Variants in MYH7B observed in about 807,000 individuals in gnomAD.
MYH7B encodes the protein myosin-7B.
A neutral mutation model predicts 234.5 loss-of-function variants in MYH7B; 205 were observed. The ratio of observed to expected loss-of-function variants is 0.87; its 90% CI spans 0.78 to 0.98. MYH7B has a LOEUF of 0.98. Among genes scored for constraint, MYH7B ranks in the 50% least tolerant of loss-of-function variants. MYH7B has a pLI of 0.00. For missense variants in MYH7B, 2,652 were observed against 2,633.4 expected, an observed-to-expected ratio of 1.01 and a Z score of -0.15; for synonymous variants, 1,193 against 1,105.0, an observed-to-expected ratio of 1.08 and a Z score of -1.58.
At chr20:34,957,785 C>G (rs562858717) in intron 1 of MYH7B, among the ~76,000 whole-genome samples, 1 of 152,188 alleles carries the variant, frequency 6.6e-6, no homozygotes, top group African/African-American at 2.4e-5. Flanking sequence ...CCACTGCGCC[C>G]GGCCCCTTTT....
intron 3 of MYH7B, 45 bp from the exon 4 acceptor site, chr20:34,977,587 C>T (rs2081874036): frequency 2.6e-6 from 4 of 1,554,186 alleles, no homozygotes; most frequent in East Asian, 4.7e-5. Context: ...GGGGCTGTGA[C>T]ACGTGGAGAT....
chr20:34,996,641 A>T, exon 30 of MYH7B: 2 of 1,612,842 alleles, frequency 1.2e-6, no homozygotes, highest in Non-Finnish European at 1.7e-6. Flanking sequence ...CAGGAGAAGA[A>T]GCTGCGCATG....
At chr20:34,997,891 A>G (rs1201470303) in intron 32 of MYH7B, among the ~76,000 whole-genome samples, 1 of 152,096 alleles carries the variant, frequency 6.6e-6, no homozygotes, top group Non-Finnish European at 1.5e-5. Context: ...CCCTTGAACC[A>G]GCAGTAGTTG....
At chr20:34,970,332 C>A (rs1198470414) in intron 2 of MYH7B, among the ~76,000 whole-genome samples, 2 of 152,244 alleles carry the variant, frequency 1.3e-5, no homozygotes, top group Non-Finnish European at 2.9e-5. Context: ...GGGAAACCCA[C>A]TTGTCTCATA....
At chr20:34,976,767 A>G (rs6088666) in intron 3 of MYH7B, among the ~76,000 whole-genome samples, 93,930 of 152,132 alleles carry the variant, frequency 0.62, 30,359 homozygotes, top group African/African-American at 0.81. Flanking sequence ...AGGGAGGAAG[A>G]GGGAAAGAGG....
rs147612954 is a variant in MYH7B at position 34,998,273 on chromosome 20, G to A, written c.3748-22G>A. On this transcript the variant is annotated intron_variant, in intron 32 of 44. Transcript: ENST00000262873. ...TTCTGACATCTAACTCCTGACCCCT[G>A]ACTCCCAACCTGGGATCCTAGGCCA... 1.0e-3 allele frequency: 1,618 copies of A among 1,612,790 alleles called. 15 individuals are homozygous for A. In the South Asian group the frequency reaches 0.011, roughly 11 times the overall value.
chr20:34,994,136 C>T lies in MYH7B; in HGVS notation c.2445-10C>T. The T allele has an allele frequency of 2.5e-6, 4 of 1,607,234 alleles. No individual in the cohort carries two copies. In the South Asian group the frequency reaches 4.4e-5, roughly 18 times the overall value. On this transcript the variant is annotated splice_polypyrimidine_tract_variant and intron_variant, in intron 26 of 44. Coordinates refer to ENST00000262873, the Ensembl canonical transcript of MYH7B. ...TGAGCCACCTTCACAGCTTGGCTGC[C>T]CCTCCCTAGGGATGCGCTGTTCACC...
chr20:34,986,243 G>T (rs1344609160), intron 14 of MYH7B, 45 bp downstream of exon 14: 1 of 1,490,128 alleles, frequency 6.7e-7, no homozygotes, highest in African/African-American at 1.4e-5. Context: ...GAACCTGGAG[G>T]GGCTGCCTGG....
chr20:34,985,043 GAGGGC>G lies in MYH7B; in HGVS notation c.742-22_742-18del, dbSNP rs750031639. 9 of 1,614,056 alleles carry G rather than the reference GAGGGC, an allele frequency of 5.6e-6. No individual in the cohort carries two copies. Among genetic ancestry groups the G allele is most frequent in the Non-Finnish European group, 5.9e-6 (7 of 1,179,918 alleles). On this transcript the variant is annotated intron_variant, in intron 12 of 44. Transcript: ENST00000262873. The stretch of plus-strand genomic sequence containing the variant: ...ACAGTGCTGGCTGTGCCCCTTGGCT[GAGGGC>G]TGCCCCTCTGCCCACAGGGCAAGTT...
rs1436835850 is a variant in MYH7B at position 34,984,718 on chromosome 20, G to A, written c.648+3G>A. 1.2e-6 allele frequency: 2 copies of A among 1,605,990 alleles called. No homozygotes were observed. The highest frequency in any genetic ancestry group is 1.1e-5 in the South Asian group (1 of 90,110). ...AATTTCTGGCAACAAAGACGGGGGT[G>A]AGTATGGGGCCAATGTCAATGGGGC... On this transcript the variant is annotated splice_donor_region_variant and intron_variant, in intron 11 of 44. Transcript: ENST00000262873.
chr20:34,980,802 G>C, intron 8 of MYH7B, 68 bp downstream of exon 8: 1 of 1,587,200 alleles, frequency 6.3e-7, no homozygotes, highest in South Asian at 1.1e-5. Context: ...CTCTGTAAGG[G>C]ACCCCCTTCC....
At chr20:34,980,956 A>T in intron 8 of MYH7B, 77 bp from the exon 9 acceptor site, 1 of 1,594,704 alleles carries the variant, frequency 6.3e-7, no homozygotes, top group Admixed American at 1.7e-5. Context: ...TCTGCCCCAG[A>T]TGGATACCCA....
In MYH7B at chr20:34,999,417, C is replaced by T. The variant is rs2082326074; in HGVS notation, c.4540+12C>T. The T allele has an allele frequency of 2.0e-6, 3 of 1,508,736 alleles. 1 individual carries two copies. The highest frequency in any genetic ancestry group is 2.7e-5 in the South Asian group (2 of 74,494). 93.5% of individuals were successfully genotyped at this position (1,508,736 alleles called of 1,614,324 possible). A position where few individuals can be genotyped will look rare whatever the true frequency, so the allele number is the denominator to read the frequency against. On this transcript the variant is annotated intron_variant, in intron 36 of 44. Coordinates refer to ENST00000262873, the Ensembl canonical transcript of MYH7B. ...CAAGAACCTGCAGGGTAGGACCTGC[C>T]ACACGCCAGGGCCAGGGTGCTGCCC...
rs745388618 is a variant in MYH7B, at chr20:34,997,564, TGGA to T, written c.3673_3675del (p.Glu1225del). The T allele has an allele frequency of 2.5e-6, 4 of 1,612,984 alleles. No individual in the cohort carries two copies. The highest frequency in any genetic ancestry group is 3.4e-6 in the Non-Finnish European group (4 of 1,179,492). ...AGCCTGCAGCGGGTGCGGCAGAAGC[TGGA>T]GAAGGAGAAGAGTGAGCTGCGCATG... is the stretch of plus-strand genomic sequence containing the variant. On this transcript the variant is annotated inframe_deletion, in exon 32 of 45. Transcript: ENST00000262873.
At chr20:34,996,803 C>T (rs567237765) in intron 30 of MYH7B, 45 bp downstream of exon 30, 1 of 1,584,900 alleles carries the variant, frequency 6.3e-7, no homozygotes, top group African/African-American at 1.3e-5. Flanking sequence ...GAGCCTGCAC[C>T]TGGCCCTTGT....
exon 36 of MYH7B, chr20:34,999,337 T>G (rs763252677): frequency 5.8e-6 from 9 of 1,562,382 alleles, no homozygotes; most frequent in Non-Finnish European, 6.9e-6. Flanking sequence ...CTCTTCCGGC[T>G]GCGGCACGGC....
chr20:34,981,854 G>GGGA (rs1491586831), intron 9 of MYH7B: 4 of 65,958 alleles, frequency 6.1e-5, no homozygotes, highest in Admixed American at 1.9e-4. Flanking sequence ...TCCATCTCAC[G>GGGA]AAAAAAAAAA....
chr20:34,969,366 GA>G (rs998529568), intron 2 of MYH7B, among the ~76,000 whole-genome samples: 70 of 151,788 alleles, frequency 4.6e-4, no homozygotes, highest in African/African-American at 1.6e-3. Flanking sequence ...GTTTACAAGG[GA>G]AAAAAAATCA....
Position 34,987,146 on chromosome 20 carries a change from C to A in MYH7B, c.1009-3C>A. On this transcript the variant is annotated splice_region_variant and splice_polypyrimidine_tract_variant and intron_variant, in intron 15 of 44. Transcript: ENST00000262873. Reference sequence around the variant, plus strand: ...TGAACTCGCTTTCCCTGCTGCCCCCCAGCATGCCATGGACATCCTAGGCTT... The same window carrying A: ...TGAACTCGCTTTCCCTGCTGCCCCCAAGCATGCCATGGACATCCTAGGCTT... The A allele has an allele frequency of 1.2e-6, 2 of 1,613,324 alleles. No homozygotes were observed. Among genetic ancestry groups the A allele is most frequent in the South Asian group, 1.1e-5 (1 of 91,054 alleles).
Sources: gnomAD v4.1 joint callset for allele counts (sites outside exome capture counted in the v4.1 genomes callset) on GRCh38, gnomAD v4.1.1 for gene constraint, MANE v1.5 for transcripts, NCBI Gene and HGNC (gene_info 2026-07-23, HGNC 2026-07-21) for gene names.